The following IL1R2 variants were observed in gnomAD, a reference collection of about 807,000 sequenced individuals.
IL1R2 encodes interleukin 1 receptor type 2.
Under a neutral mutation model 39.5 loss-of-function variants are expected in IL1R2, and 46 were observed. The observed-to-expected ratio is 1.16, with a 90% CI of 0.92 to 1.49. The LOEUF is 1.49. Among genes scored for constraint, IL1R2 ranks in the 40% most tolerant of loss-of-function variants. IL1R2 has a pLI of 0.00. For missense variants in IL1R2, 537 were observed against 502.0 expected (o/e 1.07, Z -0.67); for synonymous variants, 207 against 189.6 (o/e 1.09, Z -0.75).
intron 8 of IL1R2, among the ~76,000 whole-genome samples, chr2:102,027,689 A>G (rs1559432776): frequency 6.6e-6 from 1 of 152,148 alleles, no homozygotes; most frequent in Non-Finnish European, 1.5e-5. Flanking sequence ...CTGTTCTCAC[A>G]TTTGCTTTTT....
chr2:102,021,669 G>T (rs768943110), intron 5 of IL1R2, among the ~76,000 whole-genome samples: 1 of 152,218 alleles, frequency 6.6e-6, no homozygotes, highest in African/African-American at 2.4e-5. Flanking sequence ...TGCCTCTCCA[G>T]AGAGTTTATC....
intron 3 of IL1R2, among the ~76,000 whole-genome samples, chr2:102,013,552 A>AAAAT: frequency 1.1e-5 from 1 of 90,114 alleles, no homozygotes; most frequent in African/African-American, 5.1e-5. Context: ...AAAAAAAAAA[A>AAAAT]GGAAAGAAAG....
chr2:102,014,378 G>A (rs28385678), intron 3 of IL1R2, among the ~76,000 whole-genome samples: 7 of 152,302 alleles, frequency 4.6e-5, no homozygotes, highest in Non-Finnish European at 8.8e-5. Flanking sequence ...GCATCTACTC[G>A]CTGCTGGCTA....
chr2:102,008,512 T>C lies in IL1R2; in HGVS notation c.-61-3T>C, dbSNP rs1384915791. 2 of 1,334,266 alleles carry C rather than the reference T, an allele frequency of 1.5e-6. No homozygotes were observed. Among genetic ancestry groups the C allele is most frequent in the Non-Finnish European group, 2.2e-6 (2 of 925,266 alleles). The allele number at this position is 1,334,266 out of a possible 1,614,324, so 82.7% of individuals were successfully genotyped here. On this transcript the variant is annotated splice_region_variant and splice_polypyrimidine_tract_variant and intron_variant, in intron 1 of 8. Coordinates refer to ENST00000332549, the MANE Select transcript of IL1R2 (RefSeq NM_004633.4). ...CTGGTGACACCTCTGTTTCCTCCCC[T>C]AGGCCACGTGCTGCTGGGTCTCAGT...
At chr2:102,006,386 G>T (rs1676262461) in intron 1 of IL1R2, among the ~76,000 whole-genome samples, 1 of 152,148 alleles carries the variant, frequency 6.6e-6, no homozygotes, top group African/African-American at 2.4e-5. Flanking sequence ...AAAGCTCCAG[G>T]CTAGATACAT....
At chr2:102,022,153 C>G in intron 5 of IL1R2, 34 bp from the exon 6 acceptor site, 2 of 1,566,140 alleles carry the variant, frequency 1.3e-6, no homozygotes, top group Non-Finnish European at 1.8e-6. Flanking sequence ...GAAGGCTTTC[C>G]TAACGGAATC....
At chr2:102,010,894 T>C (rs1346201381) in intron 3 of IL1R2, among the ~76,000 whole-genome samples, 1 of 152,164 alleles carries the variant, frequency 6.6e-6, no homozygotes, top group Non-Finnish European at 1.5e-5. Context: ...ATAACTCCCC[T>C]CTCTTCTTCC....
At chr2:102,000,214 T>C (rs1022476232) in intron 1 of IL1R2, among the ~76,000 whole-genome samples, 2 of 152,210 alleles carry the variant, frequency 1.3e-5, no homozygotes, top group South Asian at 4.1e-4. Flanking sequence ...TTGAACACTT[T>C]CTTTTTGCAG....
Position 102,013,552 on chromosome 2 carries a change from AG to A in IL1R2, c.333-2317del, listed in dbSNP as rs370922798. 4.9e-3 allele frequency among the ~76,000 whole-genome samples: 438 copies of A among 89,890 alleles called. 11 individuals carry two copies. Among genetic ancestry groups the A allele is most frequent in the East Asian group, 0.019 (47 of 2,530 alleles). The allele number at this position is 89,890 out of a possible 152,430, so 59.0% of individuals were successfully genotyped here. ...AAAAAAAAAAAAAAAAAAAAAAAAA[AG>A]GAAAGAAAGAAAAGAAAAGAAGGAA... is the stretch of plus-strand genomic sequence containing the variant. On this transcript the variant is annotated intron_variant, in intron 3 of 8. Coordinates refer to ENST00000332549, the MANE Select transcript of IL1R2 (RefSeq NM_004633.4).
chr2:101,997,692 C>T (rs2150418434), intron 1 of IL1R2, among the ~76,000 whole-genome samples: 1 of 152,344 alleles, frequency 6.6e-6, no homozygotes, highest in South Asian at 2.1e-4. Context: ...TGAAGCACCC[C>T]TTTACCTAAC....
chr2:102,009,509 G>T (rs1676478917), intron 2 of IL1R2, 53 bp from the exon 3 acceptor site: 1 of 1,582,870 alleles, frequency 6.3e-7, no homozygotes, highest in South Asian at 1.2e-5. Context: ...GAGGTTTTAT[G>T]ATCTGAGCAA....
At chr2:101,993,859 C>T (rs539142198) in intron 1 of IL1R2, among the ~76,000 whole-genome samples, 1 of 152,258 alleles carries the variant, frequency 6.6e-6, no homozygotes, top group East Asian at 1.9e-4. Flanking sequence ...TGAGCAGAGG[C>T]AGCCAAATGT....
chr2:102,013,905 T>C (rs1318086933), intron 3 of IL1R2, among the ~76,000 whole-genome samples: 1 of 152,122 alleles, frequency 6.6e-6, no homozygotes, highest in East Asian at 1.9e-4. Flanking sequence ...GGACATGTGA[T>C]ACACCATGTG....
At chr2:102,023,242 G>T (rs914100063) in intron 6 of IL1R2, 1 of 152,240 alleles carries the variant, frequency 6.6e-6, no homozygotes, top group Non-Finnish European at 1.5e-5. Context: ...GGGCTTTTGT[G>T]CAGTTGCTGG....
At chr2:102,018,213 G>C (rs1018644586) in intron 4 of IL1R2, among the ~76,000 whole-genome samples, 11 of 152,146 alleles carry the variant, frequency 7.2e-5, no homozygotes, top group African/African-American at 1.7e-4. Flanking sequence ...TGAGATTATA[G>C]GTGCAAGCCC....
At chr2:101,995,230 G>A (rs539776014) in intron 1 of IL1R2, among the ~76,000 whole-genome samples, 1 of 152,320 alleles carries the variant, frequency 6.6e-6, no homozygotes, top group South Asian at 2.1e-4. Flanking sequence ...ATAACCAGGT[G>A]AGCTGTTTAA....
At position 102,028,213 on chromosome 2, in the gene IL1R2, G is replaced by A. The variant is rs776257767; in HGVS notation, c.1031-13G>A. 2 of 1,600,178 alleles carry A rather than the reference G, an allele frequency of 1.2e-6. No individual in the cohort carries two copies. Among genetic ancestry groups the A allele is most frequent in the East Asian group, 4.5e-5 (2 of 44,662 alleles). On this transcript the variant is annotated splice_polypyrimidine_tract_variant and intron_variant, in intron 8 of 8. Transcript: ENST00000332549. ...ACTGTTCAGCTCCTGATGTGACTCT[G>A]TTCTTCCCACAGCCTCCTCCACGTT... is the stretch of plus-strand genomic sequence containing the variant.
Position 102,015,971 on chromosome 2 carries a change from T to TC in IL1R2, c.434dup (p.Thr146AsnfsTer9). On this transcript the variant is annotated frameshift_variant, in exon 4 of 9. Transcript: ENST00000332549. LOFTEE classifies it high-confidence loss of function. ...CTCATACCCGCAAATTTTAACCTTGTCAACCTCTGGGGTATTAGTATGCCC... is the reference window on the plus strand; with the variant it reads ...CTCATACCCGCAAATTTTAACCTTGTCCAACCTCTGGGGTATTAGTATGCCC... 1 of 1,614,084 alleles carries TC rather than the reference T, an allele frequency of 6.2e-7. No individual in the cohort carries two copies. The highest frequency in any genetic ancestry group is 8.5e-7 in the Non-Finnish European group (1 of 1,179,924).
chr2:102,007,793 T>C (rs940349439), intron 1 of IL1R2, among the ~76,000 whole-genome samples: 2 of 152,232 alleles, frequency 1.3e-5, no homozygotes, highest in African/African-American at 2.4e-5. Flanking sequence ...GAATAGTCAA[T>C]TATATTCCTC....
Sources: allele counts gnomAD v4.1 joint callset (sites outside exome capture counted in the v4.1 genomes callset), GRCh38; gene constraint gnomAD v4.1.1; transcripts MANE v1.5; gene names NCBI Gene and HGNC (gene_info 2026-07-23, HGNC 2026-07-21).